Variants in RTN4 observed in about 807,000 individuals in gnomAD.
RTN4 encodes the protein reticulon 4, also known as reticulon-4.
A neutral mutation model predicts 90.4 loss-of-function variants in RTN4; 32 were observed. The ratio of observed to expected loss-of-function variants is 0.35; its 90% CI spans 0.27 to 0.48. The LOEUF (loss-of-function observed/expected upper bound fraction) is 0.48. Ranked by LOEUF, RTN4 falls within the 20% of genes least tolerant of loss-of-function variation. RTN4 has a pLI of 0.99. For missense variants in RTN4, 1,706 were observed against 1,430.2 expected (o/e 1.19, Z -3.11); for synonymous variants, 629 against 552.5 (o/e 1.14, Z -1.94).
upstream of RTN4, among the ~76,000 whole-genome samples, chr2:55,113,879 G>A (rs1206236911): frequency 3.9e-5 from 6 of 152,098 alleles, no homozygotes; most frequent in Non-Finnish European, 7.4e-5. Flanking sequence ...GAATGTTCTC[G>A]GCCATCCCTT....
Position 55,101,744 on chromosome 2 carries a change from T to C in RTN4, c.-214+10776A>G, listed in dbSNP as rs550152574. ...CCAGCCCTGTGGATATCCTGGAGCA[T>C]AGGAATTATTAATTAGAAGAACTGC... is the stretch of plus-strand genomic sequence containing the variant. On this transcript the variant is annotated intron_variant, in intron 1 of 3. Transcript: ENST00000427710. 5.3e-5 allele frequency among the ~76,000 whole-genome samples: 8 copies of C among 152,232 alleles called. No individual in the cohort carries two copies. In the South Asian group the frequency reaches 8.3e-4, roughly 16 times the overall value.
intron 3 of RTN4, chr2:55,010,575 T>G (rs1479240190): frequency 6.4e-6 from 1 of 155,460 alleles, no homozygotes; most frequent in Non-Finnish European, 1.4e-5. Context: ...GTTTTCAGTT[T>G]CATTTAAAAC....
intron 3 of RTN4, among the ~76,000 whole-genome samples, chr2:55,024,679 T>C (rs530159097): frequency 5.9e-5 from 9 of 152,230 alleles, no homozygotes; most frequent in African/African-American, 2.2e-4. Flanking sequence ...AAACATACTA[T>C]AGAAATTTTC....
chr2:54,982,012 TG>T (rs1678174617), intron 5 of RTN4, among the ~76,000 whole-genome samples: 1 of 152,120 alleles, frequency 6.6e-6, no homozygotes, highest in Non-Finnish European at 1.5e-5. Flanking sequence ...TGGAATGCAA[TG>T]GCGTGACCTC....
intron 2 of RTN4, among the ~76,000 whole-genome samples, chr2:55,079,798 C>A (rs532776001): frequency 6.6e-6 from 1 of 152,256 alleles, no homozygotes; most frequent in African/African-American, 2.4e-5. Context: ...CTGAATACTG[C>A]TGAAATGCAT....
At chr2:54,974,110 G>C (rs1056907299) in intron 6 of RTN4, 4 of 424,164 alleles carry the variant, frequency 9.4e-6, no homozygotes, top group Non-Finnish European at 8.5e-6. Flanking sequence ...ATATCACAGT[G>C]AGATTTCATA....
At chr2:55,024,158 C>A (rs1452241722) in intron 3 of RTN4, among the ~76,000 whole-genome samples, 2 of 152,158 alleles carry the variant, frequency 1.3e-5, no homozygotes, top group African/African-American at 4.8e-5. Flanking sequence ...GCCACCCATA[C>A]AAGTGCACAT....
At chr2:55,073,983 A>T (rs1021045625) in intron 2 of RTN4, among the ~76,000 whole-genome samples, 1 of 152,226 alleles carries the variant, frequency 6.6e-6, no homozygotes, top group African/African-American at 2.4e-5. Context: ...TGTGAGGTTA[A>T]GCCAGAGTCA....
At chr2:54,999,127 G>A (rs1293094170) in intron 3 of RTN4, among the ~76,000 whole-genome samples, 1 of 152,166 alleles carries the variant, frequency 6.6e-6, no homozygotes, top group Non-Finnish European at 1.5e-5. Context: ...AGTAATTTAT[G>A]CCCTGCAGTC....
At chr2:55,043,270 C>G (rs1044304547) in intron 1 of RTN4, among the ~76,000 whole-genome samples, 30 of 152,252 alleles carry the variant, frequency 2.0e-4, no homozygotes, top group South Asian at 6.2e-4. Flanking sequence ...CAAAAAGTCT[C>G]AAAGAATGTA....
Position 54,972,880 on chromosome 2 carries a change from G to T in RTN4, c.*276C>A. 1 of 315,328 alleles carries T rather than the reference G, an allele frequency of 3.2e-6. No individual in the cohort carries two copies. The allele number at this position is 315,328 out of a possible 1,614,324, so 19.5% of individuals were successfully genotyped here. On this transcript the variant is annotated 3_prime_UTR_variant, in exon 9 of 9. Transcript: ENST00000337526. ...ATCTGCAACAAAGTAAAATATACAG[G>T]TTTTTTATTCCACCAGTGCCTCAGA...
In RTN4 at chr2:54,987,396, T is replaced by A. The variant is rs186580203; in HGVS notation, c.3221+95A>T. 3.0e-4 allele frequency: 278 copies of A among 928,556 alleles called. 1 individual carries two copies. In the African/African-American group the frequency reaches 3.7e-3, roughly 12 times the overall value. 57.5% of individuals were successfully genotyped at this position (928,556 alleles called of 1,614,324 possible). A position where few individuals can be genotyped will look rare whatever the true frequency, so the allele number is the denominator to read the frequency against. On this transcript the variant is annotated intron_variant, in intron 4 of 8. Transcript: ENST00000337526. ...ACTGCAATTATCTTTAACAAAAAAA[T>A]GCATGCTTGTAACTCTATAGACAGT...
the RTN4 span, among the ~76,000 whole-genome samples, chr2:55,127,564 A>G: frequency 2.0e-5 from 3 of 152,204 alleles, no homozygotes; most frequent in African/African-American, 7.2e-5. Flanking sequence ...CTTAGAGCAC[A>G]TACAACCGAC....
intron 3 of RTN4, among the ~76,000 whole-genome samples, chr2:54,990,354 T>G (rs1678905209): frequency 6.6e-6 from 1 of 152,194 alleles, no homozygotes; most frequent in African/African-American, 2.4e-5. Context: ...ATTGTATACA[T>G]GTCAAAACAT....
At chr2:55,049,390 C>T (rs982751718) in intron 1 of RTN4, among the ~76,000 whole-genome samples, 14 of 152,356 alleles carry the variant, frequency 9.2e-5, no homozygotes, top group Non-Finnish European at 1.8e-4. Context: ...CGAAGCCCAA[C>T]CAACCCGATA....
chr2:55,046,982 A>G (rs1667787744), intron 1 of RTN4: 1 of 152,170 alleles, frequency 6.6e-6, no homozygotes, highest in Middle Eastern at 3.2e-3. Flanking sequence ...AGACAGAACT[A>G]TTTTCTTTGT....
chr2:54,982,642 T>C lies in RTN4; in HGVS notation c.3233A>G (p.Glu1078Gly), dbSNP rs751661269. Residue 1078 changes from glutamate to glycine, a missense_variant, in exon 5 of 9, where the codon GAA (glutamate) becomes GGA (glycine). Coordinates refer to ENST00000337526, the MANE Select transcript of RTN4 (RefSeq NM_020532.5). ...DEGHPFRAYL[E>G]SEVAISEELV... ...CTCCTCAGATATAGCAACTTCAGAT[T>C]CCAGATATGCCCTAGAAAACAAAAC... is the stretch of plus-strand genomic sequence containing the variant. 9 of 1,607,546 alleles carry C rather than the reference T, an allele frequency of 5.6e-6. No homozygotes were observed. The highest frequency in any genetic ancestry group is 6.8e-6 in the Non-Finnish European group (8 of 1,177,544).
chr2:54,993,070 T>C (rs1679141223), intron 3 of RTN4, among the ~76,000 whole-genome samples: 1 of 91,734 alleles, frequency 1.1e-5, no homozygotes, highest in Non-Finnish European at 2.0e-5. Context: ...CGAGACTCCA[T>C]CTCGGAAAAA....
intron 1 of RTN4, among the ~76,000 whole-genome samples, chr2:55,090,291 G>T (rs995268043): frequency 6.6e-6 from 1 of 152,134 alleles, no homozygotes; most frequent in Non-Finnish European, 1.5e-5. Flanking sequence ...AAAACAGAGA[G>T]ACCCAATATT....
Sources: gnomAD v4.1 joint callset for allele counts (sites outside exome capture counted in the v4.1 genomes callset) on GRCh38, gnomAD v4.1.1 for gene constraint, MANE v1.5 for transcripts, NCBI Gene and HGNC (gene_info 2026-07-23, HGNC 2026-07-21) for gene names.